The following ZBTB20 variants were observed in gnomAD, a reference collection of about 807,000 sequenced individuals.
The protein encoded by ZBTB20 is zinc finger and BTB domain containing 20.
ZBTB20 carries 9 observed loss-of-function variants against 56.9 expected under a neutral mutation model. The ratio of observed to expected loss-of-function variants is 0.16; its 90% confidence interval spans 0.10 to 0.28. The LOEUF (loss-of-function observed/expected upper bound fraction) is 0.28, where lower values mean the gene tolerates loss of function less well. Among genes scored for constraint, ZBTB20 ranks in the 10% least tolerant of loss-of-function variants. ZBTB20 has a pLI of 1.00. For synonymous variants in ZBTB20, 417 were observed against 420.7 expected (o/e 0.99, Z 0.11); for missense variants, 655 against 1,003.0 (o/e 0.65, Z 4.69).
chr3:114,581,900 T>C (rs1168073629), intron 6 of ZBTB20, among the ~76,000 whole-genome samples: 1 of 152,142 alleles, frequency 6.6e-6, no homozygotes, highest in Non-Finnish European at 1.5e-5. Flanking sequence ...AAGTTTAGCA[T>C]TTCTACTTCT....
intron 5 of ZBTB20, among the ~76,000 whole-genome samples, chr3:114,739,083 A>G (rs1478469876): frequency 6.6e-6 from 1 of 152,142 alleles, no homozygotes; most frequent in East Asian, 1.9e-4. Flanking sequence ...GTGCCAACGT[A>G]TTGAAGTGGA....
At chr3:114,696,160 G>T (rs2062999973) in intron 5 of ZBTB20, among the ~76,000 whole-genome samples, 1 of 151,986 alleles carries the variant, frequency 6.6e-6, no homozygotes, top group Non-Finnish European at 1.5e-5. Context: ...TAATAGTTTT[G>T]ATTTTTATCT....
At chr3:114,520,130 A>G (rs1006789164) in intron 6 of ZBTB20, 1 of 152,102 alleles carries the variant, frequency 6.6e-6, no homozygotes. Context: ...TTCCTTCCCT[A>G]TGAAAAAGAA....
chr3:114,568,874 TC>T (rs914011258), intron 6 of ZBTB20, among the ~76,000 whole-genome samples: 1 of 152,138 alleles, frequency 6.6e-6, no homozygotes, highest in African/African-American at 2.4e-5. Flanking sequence ...TGCTATATCT[TC>T]ACATATTCTT....
chr3:114,894,617 C>A (rs2074792627), intron 4 of ZBTB20, among the ~76,000 whole-genome samples: 1 of 152,108 alleles, frequency 6.6e-6, no homozygotes, highest in Admixed American at 6.5e-5. Context: ...GCAGAGAAAT[C>A]TGGGGACAGA....
In ZBTB20 at chr3:114,324,822, T is replaced by A. The variant is rs1190506934; in HGVS notation, c.*14183A>T. On this transcript the variant is annotated 3_prime_UTR_variant, in exon 12 of 12. Transcript: ENST00000675478. The stretch of plus-strand genomic sequence containing the variant: ...TTCTGGAAAAATGATTTGTATTTGA[T>A]CATCCTCAGGAATCCGTTTCTTCAG... 1 of 152,170 alleles carries A rather than the reference T, an allele frequency of 6.6e-6. No individual in the cohort carries two copies. The highest frequency in any genetic ancestry group is 1.5e-5 in the Non-Finnish European group (1 of 68,016). 9.4% of individuals were successfully genotyped at this position (152,170 alleles called of 1,614,324 possible).
At chr3:114,759,294 A>C (rs770135340) in intron 5 of ZBTB20, 2 of 152,022 alleles carry the variant, frequency 1.3e-5, no homozygotes, top group Non-Finnish European at 2.9e-5. Flanking sequence ...GACAGATAAA[A>C]CTACAGTGGA....
chr3:114,655,120 T>C (rs9820450), intron 6 of ZBTB20, among the ~76,000 whole-genome samples: 80,383 of 151,976 alleles, frequency 0.53, 24,528 homozygotes, highest in Non-Finnish European at 0.68. Context: ...GTAGTATTTA[T>C]ACCATTTACA....
intron 10 of ZBTB20, among the ~76,000 whole-genome samples, chr3:114,374,860 C>A (rs939395637): frequency 8.5e-5 from 13 of 152,160 alleles, no homozygotes; most frequent in African/African-American, 3.1e-4. Context: ...GAAATCCAAT[C>A]TTTTCATGTG....
intron 3 of ZBTB20, among the ~76,000 whole-genome samples, chr3:114,923,970 T>C (rs1406149296): frequency 1.3e-5 from 2 of 152,166 alleles, no homozygotes; most frequent in African/African-American, 4.8e-5. Context: ...TATTAAAAAG[T>C]GCTCAACATC....
At chr3:114,465,514 C>T (rs1210652344) in intron 7 of ZBTB20, among the ~76,000 whole-genome samples, 3 of 152,050 alleles carry the variant, frequency 2.0e-5, no homozygotes, top group African/African-American at 7.2e-5. Context: ...CAAGACCAGC[C>T]TGGCCAATAT....
At chr3:114,797,742 G>T (rs1218129319) in intron 5 of ZBTB20, among the ~76,000 whole-genome samples, 2 of 151,828 alleles carry the variant, frequency 1.3e-5, no homozygotes, top group Admixed American at 1.3e-4. Flanking sequence ...ACCATGTCTC[G>T]ATTCCTCCTT....
chr3:114,566,762 C>A (rs2052804449), intron 6 of ZBTB20, among the ~76,000 whole-genome samples: 1 of 152,154 alleles, frequency 6.6e-6, no homozygotes, highest in Non-Finnish European at 1.5e-5. Flanking sequence ...AGTTGACAGC[C>A]TTTGAGATGC....
chr3:114,421,103 T>C (rs1430458452), intron 7 of ZBTB20, among the ~76,000 whole-genome samples: 1 of 152,138 alleles, frequency 6.6e-6, no homozygotes, highest in Non-Finnish European at 1.5e-5. Context: ...CTTTAATCAA[T>C]TCTTAGGGCT....
At chr3:114,459,855 A>G (rs2092244291) in intron 7 of ZBTB20, among the ~76,000 whole-genome samples, 1 of 152,122 alleles carries the variant, frequency 6.6e-6, no homozygotes, top group Admixed American at 6.6e-5. Context: ...TTCAAAATTT[A>G]GGTGAATTTT....
chr3:115,045,808 T>A (rs1411575495), intron 2 of ZBTB20, among the ~76,000 whole-genome samples: 1 of 152,198 alleles, frequency 6.6e-6, no homozygotes, highest in Non-Finnish European at 1.5e-5. Context: ...CTAATTCTGA[T>A]CCTAATCTTT....
chr3:114,817,336 T>G (rs531365110), intron 4 of ZBTB20, among the ~76,000 whole-genome samples: 3 of 151,708 alleles, frequency 2.0e-5, no homozygotes, highest in Non-Finnish European at 1.5e-5. Flanking sequence ...CTGACCAACA[T>G]GGAGAAACCC....
At chr3:114,773,225 G>C (rs2069345249) in intron 5 of ZBTB20, among the ~76,000 whole-genome samples, 1 of 152,136 alleles carries the variant, frequency 6.6e-6, no homozygotes, top group Non-Finnish European at 1.5e-5. Flanking sequence ...CTACAGCAGA[G>C]AAACTGGTAG....
At position 115,057,570 on chromosome 3, in the gene ZBTB20, T is replaced by C. The variant is rs1444564521; in HGVS notation, c.-507+13649A>G. 2.0e-5 allele frequency among the ~76,000 whole-genome samples: 3 copies of C among 152,170 alleles called. No homozygotes were observed. In the East Asian group the frequency reaches 5.8e-4, roughly 29 times the overall value. On this transcript the variant is annotated intron_variant, in intron 2 of 11. Coordinates refer to ENST00000675478, the MANE Select transcript of ZBTB20 (RefSeq NM_001348800.3). ...ATTATTTTGCTGCAAAGTGTTACCT[T>C]TTAAATAAAATTTTAAAAGAAAAAA...
Sources: gnomAD v4.1 joint callset for allele counts (sites outside exome capture counted in the v4.1 genomes callset) on GRCh38, gnomAD v4.1.1 for gene constraint, MANE v1.5 for transcripts, NCBI Gene and HGNC (gene_info 2026-07-23, HGNC 2026-07-21) for gene names.